DNAJC6: variants seen among roughly 807,000 people sequenced by gnomAD.
The protein encoded by DNAJC6 is auxilin.
DNAJC6 carries 34 observed loss-of-function variants against 110.0 expected under a neutral mutation model. The ratio of observed to expected loss-of-function variants is 0.31; its 90% CI spans 0.24 to 0.41. The LOEUF is 0.41. Ranked by LOEUF, DNAJC6 falls within the 10% of genes least tolerant of loss-of-function variation. The probability of loss-of-function intolerance (pLI) is 1.00; values close to 1 mark genes in which losing one functional copy is unlikely to be tolerated. For missense variants in DNAJC6, 1,031 were observed against 1,207.8 expected (o/e 0.85, Z 2.17); for synonymous variants, 406 against 437.2 (o/e 0.93, Z 0.89).
At chr1:65,390,379 T>G (rs1259935469) in intron 11 of DNAJC6, among the ~76,000 whole-genome samples, 1 of 152,210 alleles carries the variant, frequency 6.6e-6, no homozygotes, top group East Asian at 1.9e-4. Flanking sequence ...AGCAAACACT[T>G]GGCCTGTATA....
Position 65,412,986 on chromosome 1 carries a change from G to T in DNAJC6, c.2874G>T (p.Trp958Cys), listed in dbSNP as rs771244201. Reference protein sequence around the residue: ...KMIFMELNDAWSEFENQGQKP... With the variant: ...KMIFMELNDACSEFENQGQKP... ...TTTTCATGGAGCTCAATGATGCCTG[G>T]TCTGAATTTGAAAACCAAGGCCAAA... The change falls in exon 19 of 19, where the codon TGG becomes TGT. Residue 958 changes from tryptophan (W) to cysteine (C), a missense_variant. Trp to Cys is a radical substitution (Grantham distance 215, BLOSUM62 -2). Transcript: ENST00000371069. 1.9e-5 allele frequency: 30 copies of T among 1,613,934 alleles called. No individual in the cohort carries two copies.
intron 13 of DNAJC6, among the ~76,000 whole-genome samples, 167 bp from the exon 14 acceptor site, chr1:65,398,646 T>C (rs1260368601): frequency 6.6e-6 from 1 of 152,204 alleles, no homozygotes; most frequent in Non-Finnish European, 1.5e-5. Flanking sequence ...GCAGAACATA[T>C]TGAATGTTGC....
At chr1:65,278,787 C>T (rs1005991174) in intron 1 of DNAJC6, among the ~76,000 whole-genome samples, 8 of 152,152 alleles carry the variant, frequency 5.3e-5, no homozygotes, top group African/African-American at 1.9e-4. Flanking sequence ...GGGGGAATGT[C>T]TCATAACCAG....
chr1:65,404,210 A>G (rs1326597316), intron 15 of DNAJC6, among the ~76,000 whole-genome samples: 1 of 152,164 alleles, frequency 6.6e-6, no homozygotes, highest in Non-Finnish European at 1.5e-5. Context: ...CTGTCATTAC[A>G]TTTTCCTATC....
chr1:65,364,885 G>T, intron 2 of DNAJC6, 100 bp downstream of exon 2: 1 of 1,462,562 alleles, frequency 6.8e-7, no homozygotes, highest in South Asian at 1.3e-5. Flanking sequence ...GTCAATTTTG[G>T]GATATAATTT....
chr1:65,312,506 T>G (rs923035384), intron 1 of DNAJC6, among the ~76,000 whole-genome samples: 3 of 152,236 alleles, frequency 2.0e-5, no homozygotes, highest in Non-Finnish European at 4.4e-5. Context: ...ATCTGCCCAT[T>G]TATTCAACTG....
At chr1:65,385,663 C>T (rs1297506416) in intron 6 of DNAJC6, 49 bp from the exon 7 acceptor site, 1 of 1,388,582 alleles carries the variant, frequency 7.2e-7, no homozygotes, top group Non-Finnish European at 9.5e-7. Flanking sequence ...TGATTGCTTG[C>T]TTCTCCTGAT....
At chr1:65,403,033 A>T in intron 15 of DNAJC6, among the ~76,000 whole-genome samples, 1 of 152,340 alleles carries the variant, frequency 6.6e-6, no homozygotes, top group South Asian at 2.1e-4. Context: ...AGTAAAAAAA[A>T]TAACCAAACA....
At chr1:65,299,737 TA>T (rs1473307453) in intron 1 of DNAJC6, among the ~76,000 whole-genome samples, 2 of 152,142 alleles carry the variant, frequency 1.3e-5, no homozygotes, top group African/African-American at 4.8e-5. Context: ...TAATTCCCAG[TA>T]AATATTTTTG....
intron 1 of DNAJC6, among the ~76,000 whole-genome samples, chr1:65,349,834 G>A (rs1424421336): frequency 1.3e-5 from 2 of 152,208 alleles, no homozygotes; most frequent in Non-Finnish European, 2.9e-5. Flanking sequence ...TGGATCTGCA[G>A]CAATAGTTTT....
intron 1 of DNAJC6, among the ~76,000 whole-genome samples, chr1:65,350,490 G>T (rs1407548894): frequency 6.6e-6 from 1 of 151,844 alleles, no homozygotes; most frequent in Non-Finnish European, 1.5e-5. Flanking sequence ...CTCTTTTATT[G>T]TTCAATTTTT....
At chr1:65,370,843 T>G (rs944446575) in intron 4 of DNAJC6, among the ~76,000 whole-genome samples, 14 of 152,198 alleles carry the variant, frequency 9.2e-5, no homozygotes, top group African/African-American at 3.4e-4. Flanking sequence ...TTTTACCCCT[T>G]TTTCTTCCTG....
intron 4 of DNAJC6, among the ~76,000 whole-genome samples, chr1:65,372,412 C>T (rs979819674): frequency 4.6e-5 from 7 of 151,998 alleles, no homozygotes; most frequent in Non-Finnish European, 1.0e-4. Flanking sequence ...CTGCTGAGCA[C>T]CTACCATATG....
At chr1:65,401,668 A>G in intron 14 of DNAJC6, 93 bp from the exon 15 acceptor site, 8 of 1,507,476 alleles carry the variant, frequency 5.3e-6, no homozygotes, top group Non-Finnish European at 7.1e-6. Context: ...TAATTTGCCT[A>G]GGAGACAAAT....
Position 65,364,615 on chromosome 1 carries a change from T to TTTG in DNAJC6, c.194-18_194-17insGTT. On this transcript the variant is annotated intron_variant, in intron 1 of 18. Transcript: ENST00000371069. The stretch of plus-strand genomic sequence containing the variant: ...TGCCATCACCATTTTTGTTTGTTTG[T>TTTG]TTTTTTTTTTTTTTGGCAGGTGCCT... The TTTG allele has an allele frequency of 3.6e-6, 3 of 830,534 alleles. No homozygotes were observed. The East Asian group carries it at 1.5e-4, about 41-fold the overall frequency. The allele number at this position is 830,534 out of a possible 1,614,324, so 51.4% of individuals were successfully genotyped here. A position where few individuals can be genotyped will look rare whatever the true frequency, so the allele number is the denominator to read the frequency against.
intron 13 of DNAJC6, among the ~76,000 whole-genome samples, chr1:65,396,796 TGCCTAAAA>T (rs1287230142): frequency 1.3e-5 from 2 of 152,234 alleles, no homozygotes; most frequent in African/African-American, 2.4e-5. Context: ...GCATCCATAG[TGCCTAAAA>T]GAATTACCGG....
chr1:65,303,026 A>T (rs1414749632), intron 1 of DNAJC6, among the ~76,000 whole-genome samples: 6 of 152,238 alleles, frequency 3.9e-5, no homozygotes, highest in Non-Finnish European at 7.3e-5. Flanking sequence ...AAATGAACTA[A>T]GGCAAACGTT....
chr1:65,314,556 C>A (rs899724762), intron 1 of DNAJC6, among the ~76,000 whole-genome samples: 1 of 152,116 alleles, frequency 6.6e-6, no homozygotes, highest in East Asian at 1.9e-4. Context: ...GTGGTGTGAT[C>A]CCGGCTCACT....
chr1:65,412,440 A>T (rs1175376305), intron 18 of DNAJC6, among the ~76,000 whole-genome samples: 1 of 152,224 alleles, frequency 6.6e-6, no homozygotes, highest in Non-Finnish European at 1.5e-5. Context: ...ATTTTTTTGT[A>T]CTAGTCTGAA....
Sources: gnomAD v4.1 joint callset for allele counts (sites outside exome capture counted in the v4.1 genomes callset) on GRCh38, gnomAD v4.1.1 for gene constraint, MANE v1.5 for transcripts, NCBI Gene and HGNC (gene_info 2026-07-23, HGNC 2026-07-21) for gene names.